The following APC2 variants were observed in gnomAD, a reference collection of about 807,000 sequenced individuals.
APC2 encodes adenomatous polyposis coli protein 2.
In APC2, 41 loss-of-function variants were observed where a neutral mutation model predicts 72.5. The ratio of observed to expected loss-of-function variants is 0.57; its 90% CI spans 0.44 to 0.73. APC2 has a LOEUF of 0.73. Among genes scored for constraint, APC2 ranks in the 30% least tolerant of loss-of-function variants. APC2 has a pLI of 0.00. For synonymous variants in APC2, 1,898 were observed against 1,612.0 expected, an observed-to-expected ratio of 1.18 and a Z score of -4.25; for missense variants, 3,729 against 3,403.4, an observed-to-expected ratio of 1.10 and a Z score of -2.38.
intron 7 of APC2, 64 bp downstream of exon 7, chr19:1,456,217 G>A: frequency 6.5e-7 from 1 of 1,549,174 alleles, no homozygotes; most frequent in African/African-American, 1.4e-5. Flanking sequence ...GGGGCTCCTC[G>A]AGTTCTGCCC....
At chr19:1,465,071 TACCTGCCAC>T in intron 14 of APC2, 75 bp from the exon 15 acceptor site, 1 of 1,477,676 alleles carries the variant, frequency 6.8e-7, no homozygotes, top group Non-Finnish European at 9.1e-7. Context: ...CGTTTACTTT[TACCTGCCAC>T]ATCTGGCCCC....
Position 1,469,119 on chromosome 19 carries a change from G to A in APC2, c.5818G>A (p.Gly1940Arg), listed in dbSNP as rs1228170487. The change falls in exon 15 of 15, where the codon GGG (glycine) becomes AGG (arginine). Residue 1940 changes from glycine to arginine, a missense_variant. Coordinates refer to ENST00000590469, the MANE Select transcript of APC2 (RefSeq NM_005883.3). The stretch of plus-strand genomic sequence containing the variant: ...GTTCATGCAGAGGCCGGCCCGGCGT[G>A]GGCCGCCACCGCTGGCTCGGGCAGT... ...IPFMQRPARR[G>R]PPPLARAVPE... 2.2e-6 allele frequency: 3 copies of A among 1,360,388 alleles called. No homozygotes were observed. The highest frequency in any genetic ancestry group is 3.1e-5 in the East Asian group (1 of 32,458). The allele number at this position is 1,360,388 out of a possible 1,614,324, so 84.3% of individuals were successfully genotyped here.
At position 1,470,233 on chromosome 19, in the gene APC2, G is replaced by T; in HGVS notation, c.*20G>T. 1 of 1,564,156 alleles carries T rather than the reference G, an allele frequency of 6.4e-7. No homozygotes were observed. The highest frequency in any genetic ancestry group is 8.6e-7 in the Non-Finnish European group (1 of 1,157,886). ...GAATAGTGGCCTAGGCCGGCCTTCTGGAACGTTCTCTCCCGGCCCTGCGGC... is the reference window on the plus strand; with the variant it reads ...GAATAGTGGCCTAGGCCGGCCTTCTTGAACGTTCTCTCCCGGCCCTGCGGC... On this transcript the variant is annotated 3_prime_UTR_variant, in exon 15 of 15. Coordinates refer to ENST00000590469, the MANE Select transcript of APC2 (RefSeq NM_005883.3).
At position 1,467,313 on chromosome 19, in the gene APC2, C is replaced by T; in HGVS notation, c.4012C>T (p.Gln1338Ter). The T allele has an allele frequency of 7.4e-7, 1 of 1,349,642 alleles. No individual in the cohort carries two copies. Among genetic ancestry groups the T allele is most frequent in the Non-Finnish European group, 9.5e-7 (1 of 1,053,638 alleles). 83.6% of individuals were successfully genotyped at this position (1,349,642 alleles called of 1,614,324 possible). ...TTCTCGCCCTCGCGGCGCCGCGGACCAGGAGCTGGAACTGCTGCGGGAGTG... is the reference window on the plus strand; with the variant it reads ...TTCTCGCCCTCGCGGCGCCGCGGACTAGGAGCTGGAACTGCTGCGGGAGTG... ...TGSRPRGAAD[Q>*]ELELLRECLG... The change falls in exon 15 of 15, where the codon CAG (glutamine) becomes TAG (stop). Residue 1338 changes from glutamine (Q) to a stop codon, truncating the protein, a stop_gained. Transcript: ENST00000590469. LOFTEE classifies it low-confidence loss of function (END_TRUNC).
chr19:1,446,682 C>G (rs2083690722), upstream of APC2, among the ~76,000 whole-genome samples: 2 of 151,984 alleles, frequency 1.3e-5, no homozygotes, highest in South Asian at 4.1e-4. This position sits in a 1 kb window ranked among gnomAD's most constrained non-coding sequence, Gnocchi z 6.1. Context: ...GCTGGGGCGG[C>G]GGGGGCGGCT....
At chr19:1,460,648 C>T (rs1205446262) in intron 11 of APC2, 132 bp from the exon 12 acceptor site, 16 of 1,011,950 alleles carry the variant, frequency 1.6e-5, no homozygotes, top group South Asian at 3.3e-5. Context: ...ATGGGGTAAC[C>T]GTCCCCGGTA....
At chr19:1,453,864 G>A (rs917595877) in intron 4 of APC2, among the ~76,000 whole-genome samples, 1 of 152,196 alleles carries the variant, frequency 6.6e-6, no homozygotes, top group African/African-American at 2.4e-5. Context: ...TCCTGGCTGA[G>A]GGAAAGGCTC....
At chr19:1,449,795 C>T (rs1416103703), upstream of APC2, among the ~76,000 whole-genome samples, 4 of 152,220 alleles carry the variant, frequency 2.6e-5, no homozygotes, top group Non-Finnish European at 5.9e-5. Context: ...ACCCCTCCCC[C>T]GCCAAGATGC....
upstream of APC2, among the ~76,000 whole-genome samples, chr19:1,449,319 GCT>G (rs1422098615): frequency 2.6e-5 from 4 of 152,174 alleles, no homozygotes; most frequent in Admixed American, 6.5e-5. Context: ...GCAGGGACGG[GCT>G]CTGTGTGTTA....
intron 14 of APC2, among the ~76,000 whole-genome samples, chr19:1,464,433 G>C (rs1051951538): frequency 6.6e-6 from 1 of 152,066 alleles, no homozygotes; most frequent in African/African-American, 2.4e-5. Context: ...GCTCACGCCT[G>C]TAATCCCAGC....
In APC2 at chr19:1,455,505, G is replaced by A. The variant is rs751428377; in HGVS notation, c.639+5G>A. ...GAGATGGTGCAGCGGGCACAGGTGC[G>A]GCGGTGGGCGGGGTGGCGCGGCGGT... is the stretch of plus-strand genomic sequence containing the variant. On this transcript the variant is annotated splice_donor_5th_base_variant and intron_variant, in intron 6 of 14. Coordinates refer to ENST00000590469, the MANE Select transcript of APC2 (RefSeq NM_005883.3). 4.4e-6 allele frequency: 7 copies of A among 1,597,086 alleles called. No individual in the cohort carries two copies. The highest frequency in any genetic ancestry group is 5.1e-6 in the Non-Finnish European group (6 of 1,171,890).
chr19:1,446,525 G>C (rs1402267751), upstream of APC2, among the ~76,000 whole-genome samples: 1 of 151,906 alleles, frequency 6.6e-6, no homozygotes, highest in Non-Finnish European at 1.5e-5. The surrounding 1 kb of genome is among the most constrained non-coding windows in gnomAD (Gnocchi z 6.1). Flanking sequence ...GCCTCGGAAG[G>C]CTGGCGGGGA....
At chr19:1,458,705 AAAAG>A (rs1285297213) in intron 10 of APC2, 1 of 152,152 alleles carries the variant, frequency 6.6e-6, no homozygotes, top group African/African-American at 2.4e-5. Context: ...CCCTGTCTCA[AAAAG>A]AAAAGTCTTG....
rs895565947 is a variant in APC2 at position 1,469,933 on chromosome 19, C to A, written c.6632C>A (p.Thr2211Asn). 6 of 1,515,528 alleles carry A rather than the reference C, an allele frequency of 4.0e-6. No homozygotes were observed. In the South Asian group the frequency reaches 7.3e-5, roughly 18 times the overall value. The allele number at this position is 1,515,528 out of a possible 1,614,324, so 93.9% of individuals were successfully genotyped here. ...TNSSTSPSLE[T>N]REPPGAPAGG... ...TCCAGCACGTCCCCGAGCCTGGAGA[C>A]CAGGGAGCCCCCCGGGGCCCCCGCC... The change falls in exon 15 of 15, where the codon ACC becomes AAC. Residue 2211 changes from threonine to asparagine, a missense_variant. Thr to Asn is a moderately conservative substitution (Grantham distance 65). Transcript: ENST00000590469.
upstream of APC2, among the ~76,000 whole-genome samples, chr19:1,449,083 G>A (rs1372439235): frequency 6.6e-6 from 1 of 152,156 alleles, no homozygotes; most frequent in Non-Finnish European, 1.5e-5. Flanking sequence ...TTTGTCTACG[G>A]GGCCTTGAAT....
At chr19:1,453,872 C>T (rs1317425423) in intron 4 of APC2, among the ~76,000 whole-genome samples, 1 of 152,196 alleles carries the variant, frequency 6.6e-6, no homozygotes, top group East Asian at 1.9e-4. Flanking sequence ...GAGGGAAAGG[C>T]TCCTTGGAGA....
chr19:1,461,908 C>A, intron 13 of APC2, 55 bp from the exon 14 acceptor site: 13 of 1,462,102 alleles, frequency 8.9e-6, no homozygotes, highest in Non-Finnish European at 1.2e-5. Context: ...AGCGTGGGAG[C>A]CTTTCCTCCG....
Position 1,457,147 on chromosome 19 carries a change from C to A in APC2, c.1111C>A (p.Leu371Met). The change falls in exon 9 of 15, where the codon CTG becomes ATG. Residue 371 changes from leucine to methionine, a missense_variant. Leu to Met is a conservative substitution (Grantham distance 15). Coordinates refer to ENST00000590469, the MANE Select transcript of APC2 (RefSeq NM_005883.3). ...QGLARKEMRV[L>M]HVLEQIRAYC... ...CCTGGCGCGCAAGGAGATGCGCGTC[C>A]TGCACGTGCTGGAGCAGATCCGGGC... is the stretch of plus-strand genomic sequence containing the variant. 1 of 1,588,104 alleles carries A rather than the reference C, an allele frequency of 6.3e-7. No homozygotes were observed. The highest frequency in any genetic ancestry group is 8.5e-7 in the Non-Finnish European group (1 of 1,169,978).
Position 1,457,922 on chromosome 19 carries a change from T to C in APC2, c.1208-43T>C, listed in dbSNP as rs375692529. ...GGACCTTCGGGAGTCACCTGGGACA[T>C]TTCCTGGGAATGGGGGCTCTGATCT... On this transcript the variant is annotated intron_variant, in intron 9 of 14. Transcript: ENST00000590469. 7 of 1,457,442 alleles carry C rather than the reference T, an allele frequency of 4.8e-6. No homozygotes were observed. The African/African-American group carries it at 7.0e-5, about 15-fold the overall frequency. 90.3% of individuals were successfully genotyped at this position (1,457,442 alleles called of 1,614,324 possible).
Sources: gnomAD v4.1 joint callset for allele counts (sites outside exome capture counted in the v4.1 genomes callset) on GRCh38, gnomAD v4.1.1 for gene constraint, Gnocchi (gnomAD v3.1) non-coding constraint, MANE v1.5 for transcripts, NCBI Gene and HGNC (gene_info 2026-07-23, HGNC 2026-07-21) for gene names.